The following ANK1 variants were observed in gnomAD, a reference collection of about 807,000 sequenced individuals.
The protein encoded by ANK1 is ankyrin-1.
Under a neutral mutation model 210.4 loss-of-function variants are expected in ANK1, and 51 were observed. That is an observed-to-expected ratio of 0.24 (90% CI 0.19 to 0.31). The LOEUF is 0.31. Among genes scored for constraint, ANK1 ranks in the 10% least tolerant of loss-of-function variants. The pLI is 1.00. For missense variants in ANK1, 2,051 were observed against 2,504.4 expected (o/e 0.82, Z 3.86); for synonymous variants, 967 against 1,025.9 (o/e 0.94, Z 1.10).
At chr8:41,751,704 C>T (rs1375488465) in intron 2 of ANK1, among the ~76,000 whole-genome samples, 1 of 152,122 alleles carries the variant, frequency 6.6e-6, no homozygotes, top group South Asian at 2.1e-4. Flanking sequence ...CAAAGCCACC[C>T]CGGGGTCCCA....
chr8:41,793,872 T>C (rs571809493), intron 1 of ANK1, among the ~76,000 whole-genome samples: 1 of 152,300 alleles, frequency 6.6e-6, no homozygotes, highest in African/African-American at 2.4e-5. Flanking sequence ...CACTATTTTC[T>C]CATTAAATAG....
chr8:41,698,107 G>T lies in ANK1; in HGVS notation c.2573C>A (p.Ala858Asp). The T allele has an allele frequency of 1.2e-6, 2 of 1,614,066 alleles. No individual in the cohort carries two copies. Among genetic ancestry groups the T allele is most frequent in the Non-Finnish European group, 1.7e-6 (2 of 1,180,042 alleles). ...PKLDQVVESP[A>D]IPRIPCAMPE... is the part of the protein sequence containing the mutation. ...CATGGCACAGGGAATCCTGGGGATGGCTGGAGATTCCACCCTGCGTGCCAA... is the reference window on the plus strand; with the variant it reads ...CATGGCACAGGGAATCCTGGGGATGTCTGGAGATTCCACCCTGCGTGCCAA... The change falls in exon 24 of 43, where the codon GCC becomes GAC. Residue 858 changes from alanine (A) to aspartate (D), a missense_variant. Physicochemically the swap from Ala to Asp is moderately radical, Grantham distance 126. Around this residue, in one of 6 missense-constraint regions of ANK1, gnomAD observed 1,413 missense variants for 1,707.4 expected, o/e 0.83. Coordinates refer to ENST00000289734, the MANE Select transcript of ANK1 (RefSeq NM_000037.4).
At chr8:41,822,865 G>A (rs1804715815) in intron 1 of ANK1, among the ~76,000 whole-genome samples, 2 of 152,224 alleles carry the variant, frequency 1.3e-5, no homozygotes, top group African/African-American at 4.8e-5. Flanking sequence ...CACGAGAGCG[G>A]GGGCGGTGGA....
At chr8:41,698,814 G>C (rs375730831) in intron 23 of ANK1, among the ~76,000 whole-genome samples, 2 of 140,394 alleles carry the variant, frequency 1.4e-5, no homozygotes, top group East Asian at 4.0e-4. Context: ...TTTTTTTTTT[G>C]AGATGGAGTT....
At chr8:41,794,979 C>T (rs1328998127) in intron 1 of ANK1, among the ~76,000 whole-genome samples, 3 of 152,154 alleles carry the variant, frequency 2.0e-5, no homozygotes, top group Non-Finnish European at 4.4e-5. Context: ...GCTGGGATTA[C>T]CGGCGTGAGC....
chr8:41,741,241 C>A (rs1167596527), intron 2 of ANK1, among the ~76,000 whole-genome samples: 1 of 152,158 alleles, frequency 6.6e-6, no homozygotes, highest in Non-Finnish European at 1.5e-5. Context: ...TCTGGAGAAG[C>A]GGTGAAAGCT....
chr8:41,665,024 C>G (rs758870948), intron 39 of ANK1: 12 of 1,613,292 alleles, frequency 7.4e-6, no homozygotes, highest in Non-Finnish European at 1.0e-5. Flanking sequence ...AAGTCCACAT[C>G]CTCGCCTCCT....
At position 41,794,790 on chromosome 8, in the gene ANK1, C is replaced by T. The variant is rs1021440399; in HGVS notation, c.27+2722G>A. ...CACCATCTCGGCTTACTGCAACCTC[C>T]ACCTCCCAGGTTCAAGCGATTCTCC... On this transcript the variant is annotated intron_variant, in intron 1 of 42. Coordinates refer to ENST00000289734, the MANE Select transcript of ANK1 (RefSeq NM_000037.4). Among the ~76,000 whole-genome samples, 6 of 152,274 alleles carry T rather than the reference C, an allele frequency of 3.9e-5. No homozygotes were observed. The South Asian group carries it at 8.3e-4, about 21-fold the overall frequency.
chr8:41,796,857 G>C (rs1486914121), intron 1 of ANK1, among the ~76,000 whole-genome samples: 1 of 152,018 alleles, frequency 6.6e-6, no homozygotes, highest in Non-Finnish European at 1.5e-5. Flanking sequence ...TACACAGGGA[G>C]AACAAGAAGG....
rs749592270 is a variant in ANK1 at position 41,692,737 on chromosome 8, G to A, written c.3769C>T (p.Arg1257Cys). 29 of 1,613,854 alleles carry A rather than the reference G, an allele frequency of 1.8e-5. No individual in the cohort carries two copies. Among genetic ancestry groups the A allele is most frequent in the African/African-American group, 2.7e-5 (2 of 74,858 alleles). ...KMNDPREGRL[R>C]CYCMTDDKVD... Reference sequence around the variant, plus strand: ...TTATCATCTGTCATGCAGTAGCAGCGCAGGCGCCCCTCTCGGGGGTCATTC... The same window carrying A: ...TTATCATCTGTCATGCAGTAGCAGCACAGGCGCCCCTCTCGGGGGTCATTC... The change falls in exon 31 of 43, where the codon CGC (arginine) becomes TGC (cysteine). Residue 1257 changes from arginine (R) to cysteine (C), a missense_variant. Coordinates refer to ENST00000289734, the MANE Select transcript of ANK1 (RefSeq NM_000037.4).
intron 1 of ANK1, among the ~76,000 whole-genome samples, chr8:41,853,038 T>C (rs1015910710): frequency 3.3e-5 from 5 of 152,336 alleles, no homozygotes; most frequent in African/African-American, 1.2e-4. Flanking sequence ...AGAAACAATG[T>C]TTCCCTGTAA....
rs566343437 is a variant in ANK1, at chr8:41,896,596, C to T, written c.-116G>A. ...TCTGCTCCACAGAGGGGACAGCGTT[C>T]GTGGCGCCCCGAGGGCCGGCTGCTG... On this transcript the variant is annotated 5_prime_UTR_variant, in exon 1 of 43. Transcript: ENST00000265709. The T allele has an allele frequency of 1.8e-5, 24 of 1,313,756 alleles. No individual in the cohort carries two copies. In the African/African-American group the frequency reaches 3.2e-4, roughly 18 times the overall value. 81.4% of individuals were successfully genotyped at this position (1,313,756 alleles called of 1,614,324 possible). A position where few individuals can be genotyped will look rare whatever the true frequency, so the allele number is the denominator to read the frequency against.
chr8:41,736,331 T>C (rs1159575873), intron 2 of ANK1, among the ~76,000 whole-genome samples: 3 of 152,246 alleles, frequency 2.0e-5, no homozygotes, highest in Non-Finnish European at 4.4e-5. Context: ...GCAACTCTTT[T>C]CTGGATGGGT....
chr8:41,759,985 C>T (rs1018496005), intron 1 of ANK1, among the ~76,000 whole-genome samples: 1 of 152,150 alleles, frequency 6.6e-6, no homozygotes, highest in African/African-American at 2.4e-5. Context: ...GCAGCCAGCT[C>T]GGTCTCAGCT....
chr8:41,750,426 A>G (rs977544290), intron 2 of ANK1, among the ~76,000 whole-genome samples: 3 of 152,236 alleles, frequency 2.0e-5, no homozygotes, highest in Non-Finnish European at 2.9e-5. Flanking sequence ...AGCCATGCTT[A>G]TTGCAGGCTC....
intron 40 of ANK1, among the ~76,000 whole-genome samples, chr8:41,663,114 CTGTG>C (rs56138651): frequency 6.9e-5 from 10 of 145,114 alleles, no homozygotes; most frequent in East Asian, 2.1e-4. Context: ...CTCTCTCTCT[CTGTG>C]TGTGTGTGTG....
Position 41,664,698 on chromosome 8 carries a change from C to T in ANK1, c.5395-956G>A, listed in dbSNP as rs143078752. 295 of 1,155,136 alleles carry T rather than the reference C, an allele frequency of 2.6e-4. 1 individual carries two copies. In the East Asian group the frequency reaches 6.5e-3, roughly 25 times the overall value. The allele number at this position is 1,155,136 out of a possible 1,614,324, so 71.6% of individuals were successfully genotyped here. A position where few individuals can be genotyped will look rare whatever the true frequency, so the allele number is the denominator to read the frequency against. ...TGGGGGCCTCCTGGTCCTTTTCCTC[C>T]GGCGTCTCCCAACTCTGGGTCCGGA... On this transcript the variant is annotated intron_variant, in intron 39 of 42. Coordinates refer to ENST00000289734, the MANE Select transcript of ANK1 (RefSeq NM_000037.4).
At chr8:41,696,240 T>C (rs942625131) in intron 26 of ANK1, 123 bp downstream of exon 26, 11 of 1,105,014 alleles carry the variant, frequency 1.0e-5, no homozygotes, top group Middle Eastern at 2.8e-4. Context: ...CCTTCGTGTG[T>C]CAGGAAAAGT....
chr8:41,688,908 C>T (rs73617322), intron 33 of ANK1, among the ~76,000 whole-genome samples: 6 of 152,166 alleles, frequency 3.9e-5, no homozygotes, highest in South Asian at 2.1e-4. Flanking sequence ...TTCATCAATA[C>T]GTAAACTGAG....
Sources: gnomAD v4.1 joint callset for allele counts (sites outside exome capture counted in the v4.1 genomes callset) on GRCh38, gnomAD v4.1.1 for gene constraint, gnomAD v4.1.1 regional missense constraint, MANE v1.5 for transcripts, NCBI Gene and HGNC (gene_info 2026-07-23, HGNC 2026-07-21) for gene names.